CPA6: variants seen among roughly 807,000 people sequenced by gnomAD.
The protein encoded by CPA6 is carboxypeptidase B.
A neutral mutation model predicts 63.3 loss-of-function variants in CPA6; 58 were observed. That is an observed-to-expected ratio of 0.92 (90% CI 0.74 to 1.14). The LOEUF (loss-of-function observed/expected upper bound fraction) is 1.14. CPA6 is among the 50% of genes most tolerant of loss of function. CPA6 has a pLI of 0.00. For synonymous variants in CPA6, 185 were observed against 179.0 expected (o/e 1.03, Z -0.27); for missense variants, 565 against 526.6 (o/e 1.07, Z -0.71).
chr8:67,673,388 A>ATTATTAT (rs1554532408), intron 1 of CPA6, among the ~76,000 whole-genome samples: 1 of 134,024 alleles, frequency 7.5e-6, no homozygotes, highest in African/African-American at 2.8e-5. Flanking sequence ...TTATTTATTT[A>ATTATTAT]TTTTTTTTTT....
chr8:67,640,594 A>C (rs918750296), intron 1 of CPA6, among the ~76,000 whole-genome samples: 2 of 151,080 alleles, frequency 1.3e-5, no homozygotes, highest in African/African-American at 2.5e-5. Flanking sequence ...TGTGCCTGGG[A>C]GGGTAGGGGT....
intron 8 of CPA6, among the ~76,000 whole-genome samples, chr8:67,453,887 A>G (rs1810612542): frequency 6.6e-6 from 1 of 152,250 alleles, no homozygotes; most frequent in African/African-American, 2.4e-5. Flanking sequence ...TTATTATCAT[A>G]CATGAGCTAA....
intron 1 of CPA6, among the ~76,000 whole-genome samples, chr8:67,703,666 T>C (rs1817073205): frequency 6.6e-6 from 1 of 152,234 alleles, no homozygotes; most frequent in African/African-American, 2.4e-5. Flanking sequence ...CATGGACTCC[T>C]TGGAGATATC....
chr8:67,442,169 G>A (rs1362001029), intron 8 of CPA6, among the ~76,000 whole-genome samples: 2 of 151,974 alleles, frequency 1.3e-5, no homozygotes, highest in African/African-American at 4.8e-5. Flanking sequence ...AGTTGATGTT[G>A]AATTCAACTT....
chr8:67,684,022 T>TATATAC (rs1248937496), intron 1 of CPA6, among the ~76,000 whole-genome samples: 1 of 145,266 alleles, frequency 6.9e-6, no homozygotes, highest in Non-Finnish European at 1.5e-5. Flanking sequence ...TATATATATA[T>TATATAC]ATATATATAA....
intron 2 of CPA6, among the ~76,000 whole-genome samples, chr8:67,581,105 C>T (rs553308326): frequency 2.8e-4 from 43 of 152,024 alleles, no homozygotes; most frequent in African/African-American, 1.0e-3. Flanking sequence ...TGTGCTATGT[C>T]CAATGAACGA....
chr8:67,530,372 C>T (rs1242647180), intron 2 of CPA6, among the ~76,000 whole-genome samples: 1 of 151,980 alleles, frequency 6.6e-6, no homozygotes, highest in Non-Finnish European at 1.5e-5. Flanking sequence ...TTGAAAGGGG[C>T]TGTTGAGTTC....
Position 67,713,099 on chromosome 8 carries a change from G to GTGTGTATA in CPA6, c.116+32914_116+32915insTATACACA, listed in dbSNP as rs1328463977. Among the ~76,000 whole-genome samples, 58 of 55,016 alleles carry GTGTGTATA rather than the reference G, an allele frequency of 1.1e-3. 1 individual carries two copies. The highest frequency in any genetic ancestry group is 4.2e-3 in the African/African-American group (57 of 13,480). The allele number at this position is 55,016 out of a possible 152,430, so 36.1% of individuals were successfully genotyped here. The stretch of plus-strand genomic sequence containing the variant: ...TGTGTGTGTATGTGTGTGTGTGTGT[G>GTGTGTATA]TATATATATATATATATATATATAT... On this transcript the variant is annotated intron_variant, in intron 1 of 10. Transcript: ENST00000297770.
rs541742881 is a variant in CPA6 at position 67,515,480 on chromosome 8, T to G, written c.317+2443A>C. The stretch of plus-strand genomic sequence containing the variant: ...ATACACATTCTTTTGTGGCTTTCTA[T>G]TCCCATCTCCCTCTCCACCTGCCTA... On this transcript the variant is annotated intron_variant, in intron 3 of 10. Transcript: ENST00000297770. Among the ~76,000 whole-genome samples the G allele has an allele frequency of 1.8e-4, 28 of 152,316 alleles. No individual in the cohort carries two copies. In the South Asian group the frequency reaches 5.8e-3, roughly 32 times the overall value.
At chr8:67,581,218 C>G (rs114489946) in intron 2 of CPA6, among the ~76,000 whole-genome samples, 2 of 151,936 alleles carry the variant, frequency 1.3e-5, no homozygotes, top group Non-Finnish European at 2.9e-5. Context: ...AGTGGATGTG[C>G]GACAGTTGAT....
At chr8:67,597,395 C>CGAGATGTATTTTTAGAG (rs1814372356) in intron 2 of CPA6, among the ~76,000 whole-genome samples, 2 of 152,076 alleles carry the variant, frequency 1.3e-5, no homozygotes, top group African/African-American at 2.4e-5. Flanking sequence ...GGGGTTTCAC[C>CGAGATGTATTTTTAGAG]ATGTTGACCA....
At chr8:67,544,972 G>A (rs1479481590) in intron 2 of CPA6, among the ~76,000 whole-genome samples, 1 of 152,038 alleles carries the variant, frequency 6.6e-6, no homozygotes, top group Non-Finnish European at 1.5e-5. Context: ...TTATTTTAAA[G>A]CCTGTTTGAT....
At chr8:67,499,317 T>C (rs1377356341) in intron 6 of CPA6, among the ~76,000 whole-genome samples, 1 of 152,228 alleles carries the variant, frequency 6.6e-6, no homozygotes, top group South Asian at 2.1e-4. Context: ...GATTACACAG[T>C]AGGGAAGAGA....
chr8:67,571,830 A>G (rs1813493565), intron 2 of CPA6, among the ~76,000 whole-genome samples: 1 of 152,166 alleles, frequency 6.6e-6, no homozygotes, highest in South Asian at 2.1e-4. Context: ...AGAAGTAAAG[A>G]GTAAAGATCA....
intron 1 of CPA6, among the ~76,000 whole-genome samples, chr8:67,671,830 T>C (rs1816353372): frequency 6.6e-6 from 1 of 152,208 alleles, no homozygotes; most frequent in Non-Finnish European, 1.5e-5. Context: ...AATTAAATTT[T>C]ATTGTATTTT....
In CPA6 at chr8:67,469,998, T is replaced by C. The variant is rs1811020675; in HGVS notation, c.838+13770A>G. On this transcript the variant is annotated intron_variant, in intron 8 of 10. Coordinates refer to ENST00000297770, the MANE Select transcript of CPA6 (RefSeq NM_020361.5). ...GATAGAAGGCATTCATTTCATATTT[T>C]TGAATAAATGGAGGAATGGATCATG... is the stretch of plus-strand genomic sequence containing the variant. Among the ~76,000 whole-genome samples the C allele has an allele frequency of 4.6e-5, 7 of 152,240 alleles. 1 individual carries two copies. The South Asian group carries it at 1.5e-3, about 32-fold the overall frequency.
rs79888391 is a variant in CPA6 at position 67,693,571 on chromosome 8, A to T, written c.116+52443T>A. On this transcript the variant is annotated intron_variant, in intron 1 of 10. Coordinates refer to ENST00000297770, the MANE Select transcript of CPA6 (RefSeq NM_020361.5). ...AAATGGGGCTTTTGGGGAAGTGATT[A>T]GGTTGTAAAGGCAGAGGCCCCACGA... is the stretch of plus-strand genomic sequence containing the variant. 6.9e-3 allele frequency among the ~76,000 whole-genome samples: 1,050 copies of T among 152,338 alleles called. 7 individuals carry two copies. Among genetic ancestry groups the T allele is most frequent in the African/African-American group, 0.024 (991 of 41,588 alleles).
At chr8:67,737,326 C>A (rs1029775963) in intron 1 of CPA6, among the ~76,000 whole-genome samples, 3 of 152,320 alleles carry the variant, frequency 2.0e-5, no homozygotes, top group Middle Eastern at 3.4e-3. Context: ...GTCTGGAAAG[C>A]CTTAACCTAA....
At position 67,472,371 on chromosome 8, in the gene CPA6, TA is replaced by T. The variant is rs371503518; in HGVS notation, c.838+11396del. On this transcript the variant is annotated intron_variant, in intron 8 of 10. Transcript: ENST00000297770. ...AAAACTAAGTTATTTGTAAAAGATTTATTTTTTTATTTTATTTTATTTTATT... is the reference window on the plus strand; with the variant it reads ...AAAACTAAGTTATTTGTAAAAGATTTTTTTTTTATTTTATTTTATTTTATT... 1.6e-3 allele frequency among the ~76,000 whole-genome samples: 97 copies of T among 59,324 alleles called. 1 individual carries two copies. The highest frequency in any genetic ancestry group is 3.8e-3 in the African/African-American group (44 of 11,664). The allele number at this position is 59,324 out of a possible 152,430, so 38.9% of individuals were successfully genotyped here. A position where few individuals can be genotyped will look rare whatever the true frequency, so the allele number is the denominator to read the frequency against.
Sources: allele counts gnomAD v4.1 joint callset (sites outside exome capture counted in the v4.1 genomes callset), GRCh38; gene constraint gnomAD v4.1.1; transcripts MANE v1.5; gene names NCBI Gene and HGNC (gene_info 2026-07-23, HGNC 2026-07-21).